Variants in RPS6KC1 observed in about 807,000 individuals in gnomAD.
RPS6KC1 encodes the protein inactive ribosomal protein S6 kinase delta-1.
In RPS6KC1, 54 loss-of-function variants were observed where a neutral mutation model predicts 103.8. The observed-to-expected ratio is 0.52, with a 90% CI of 0.42 to 0.65. RPS6KC1 has a LOEUF of 0.65. Ranked by LOEUF, RPS6KC1 falls within the 30% of genes least tolerant of loss-of-function variation. RPS6KC1 has a pLI of 0.00. For missense variants in RPS6KC1, 1,151 were observed against 1,253.8 expected (o/e 0.92, Z 1.24); for synonymous variants, 439 against 438.7 (o/e 1.00, Z -0.01).
At chr1:213,229,525 C>T (rs2094039366) in intron 8 of RPS6KC1, among the ~76,000 whole-genome samples, 1 of 152,192 alleles carries the variant, frequency 6.6e-6, no homozygotes, top group African/African-American at 2.4e-5. Flanking sequence ...AAAGCTGTAA[C>T]AGAGACTGCA....
chr1:213,389,620 C>A, the RPS6KC1 span, among the ~76,000 whole-genome samples: 1 of 152,330 alleles, frequency 6.6e-6, no homozygotes, highest in African/African-American at 2.4e-5. Context: ...GGCCCGGGCT[C>A]CAGGTCCCCA....
chr1:213,603,347 G>T, the RPS6KC1 span, among the ~76,000 whole-genome samples: 1 of 152,184 alleles, frequency 6.6e-6, no homozygotes, highest in Non-Finnish European at 1.5e-5. Flanking sequence ...AAGCTTCAGA[G>T]GTACTTTGAG....
the RPS6KC1 span, among the ~76,000 whole-genome samples, chr1:213,758,180 T>C: frequency 6.6e-6 from 1 of 152,214 alleles, no homozygotes; most frequent in Admixed American, 6.5e-5. Flanking sequence ...AAAAACATTT[T>C]ATAAGGCTAT....
chr1:213,134,752 C>T (rs181362148), intron 6 of RPS6KC1, among the ~76,000 whole-genome samples: 3 of 152,046 alleles, frequency 2.0e-5, no homozygotes, highest in East Asian at 1.9e-4. Flanking sequence ...ATATGAAAAA[C>T]GTAGTAAGTT....
chr1:213,114,356 C>T (rs1414221765), intron 4 of RPS6KC1, among the ~76,000 whole-genome samples: 1 of 43,640 alleles, frequency 2.3e-5, no homozygotes, highest in Admixed American at 1.6e-4. Context: ...ATTTGGCTCT[C>T]TGTCTGTTGT....
At chr1:213,390,194 C>T in the RPS6KC1 span, among the ~76,000 whole-genome samples, 2 of 152,212 alleles carry the variant, frequency 1.3e-5, no homozygotes, top group African/African-American at 2.4e-5. Context: ...TCCCCCACCC[C>T]AGTTAAGTTG....
At chr1:213,766,046 G>A in the RPS6KC1 span, among the ~76,000 whole-genome samples, 1 of 152,226 alleles carries the variant, frequency 6.6e-6, no homozygotes, top group South Asian at 2.1e-4. Flanking sequence ...GTATTTTGGA[G>A]GTGGGGATAT....
chr1:213,806,045 T>C, the RPS6KC1 span, among the ~76,000 whole-genome samples: 1 of 152,140 alleles, frequency 6.6e-6, no homozygotes, highest in Non-Finnish European at 1.5e-5. Flanking sequence ...AAATATTCAG[T>C]CAACCGGCCA....
intron 1 of RPS6KC1, among the ~76,000 whole-genome samples, chr1:213,058,650 G>T (rs1373318416): frequency 2.6e-5 from 4 of 151,816 alleles, no homozygotes; most frequent in Non-Finnish European, 4.4e-5. Flanking sequence ...ATACAATCTT[G>T]ATTATTATAG....
chr1:213,705,689 A>G, the RPS6KC1 span, among the ~76,000 whole-genome samples: 1 of 152,142 alleles, frequency 6.6e-6, no homozygotes, highest in Non-Finnish European at 1.5e-5. Context: ...TGTAACTACC[A>G]CAGCTGGGGA....
At chr1:213,214,484 T>C (rs1408314974) in intron 8 of RPS6KC1, among the ~76,000 whole-genome samples, 1 of 152,148 alleles carries the variant, frequency 6.6e-6, no homozygotes, top group Admixed American at 6.5e-5. Context: ...AGCAGAAACC[T>C]CTGCAGACTT....
the RPS6KC1 span, among the ~76,000 whole-genome samples, chr1:213,788,687 C>G: frequency 6.6e-6 from 1 of 152,144 alleles, no homozygotes; most frequent in African/African-American, 2.4e-5. Context: ...TGACACCATG[C>G]GGATGGCCCA....
intron 12 of RPS6KC1, among the ~76,000 whole-genome samples, chr1:213,249,520 G>A (rs1023219914): frequency 6.6e-6 from 1 of 152,088 alleles, no homozygotes; most frequent in Admixed American, 6.5e-5. Context: ...GCAGCAGAGC[G>A]GCAGAGAGAG....
At chr1:213,707,096 T>C in the RPS6KC1 span, among the ~76,000 whole-genome samples, 2 of 152,210 alleles carry the variant, frequency 1.3e-5, no homozygotes, top group African/African-American at 2.4e-5. Flanking sequence ...ATGGTATTTC[T>C]GGTTCTAGAT....
rs753004485 is a variant in RPS6KC1, at chr1:213,176,523, G to T, written c.1044+31G>T. 3 of 1,397,250 alleles carry T rather than the reference G, an allele frequency of 2.1e-6. No individual in the cohort carries two copies. In the Admixed American group the frequency reaches 5.1e-5, roughly 24 times the overall value. 86.6% of individuals were successfully genotyped at this position (1,397,250 alleles called of 1,614,324 possible). On this transcript the variant is annotated intron_variant, in intron 8 of 14. Coordinates refer to ENST00000366960, the MANE Select transcript of RPS6KC1 (RefSeq NM_012424.6). ...TCTTCAGTGTCTCTTCAAGAGTTCA[G>T]TCATAAATCGACTGCATGCTGACAT...
the RPS6KC1 span, among the ~76,000 whole-genome samples, chr1:213,306,980 C>T: frequency 2.6e-5 from 4 of 152,044 alleles, no homozygotes; most frequent in Admixed American, 2.6e-4. Flanking sequence ...TGTTCAGTGG[C>T]CAGTTGGTGC....
chr1:213,621,818 T>C, the RPS6KC1 span, among the ~76,000 whole-genome samples: 1 of 152,162 alleles, frequency 6.6e-6, no homozygotes, highest in Non-Finnish European at 1.5e-5. Context: ...ACTGTGCAGG[T>C]ACCATACCCT....
the RPS6KC1 span, among the ~76,000 whole-genome samples, chr1:213,860,932 C>T: frequency 2.0e-5 from 3 of 151,964 alleles, no homozygotes; most frequent in Non-Finnish European, 2.9e-5. Flanking sequence ...CCTCAGCCTC[C>T]CAAGTAGCTG....
At chr1:213,803,793 TA>T in the RPS6KC1 span, among the ~76,000 whole-genome samples, 1 of 152,168 alleles carries the variant, frequency 6.6e-6, no homozygotes, top group Non-Finnish European at 1.5e-5. Context: ...TGTGATTGAA[TA>T]AGTTCTGAAA....
Sources: gnomAD v4.1 joint callset for allele counts (sites outside exome capture counted in the v4.1 genomes callset) on GRCh38, gnomAD v4.1.1 for gene constraint, MANE v1.5 for transcripts, NCBI Gene and HGNC (gene_info 2026-07-23, HGNC 2026-07-21) for gene names.